Variants in SIX3 observed in about 807,000 individuals in gnomAD.
The protein encoded by SIX3 is SIX homeobox 3.
Under a neutral mutation model 21.7 loss-of-function variants are expected in SIX3, and 2 were observed. The observed-to-expected ratio is 0.09, with a 90% CI of 0.04 to 0.29. SIX3 has a LOEUF of 0.29. Ranked by LOEUF, SIX3 falls within the 10% of genes least tolerant of loss-of-function variation. The pLI, the probability that SIX3 is intolerant of heterozygous loss-of-function variation, is 1.00. For synonymous variants in SIX3, 243 were observed against 220.6 expected (o/e 1.10, Z -0.90); for missense variants, 347 against 480.7 (o/e 0.72, Z 2.60).
At position 44,945,114 on chromosome 2, in the gene SIX3, G is replaced by T; in HGVS notation, c.*354G>T. The T allele has an allele frequency of 3.3e-6, 1 of 306,226 alleles. No homozygotes were observed. The highest frequency in any genetic ancestry group is 6.1e-6 in the Non-Finnish European group (1 of 163,580). The allele number at this position is 306,226 out of a possible 1,614,324, so 19.0% of individuals were successfully genotyped here. ...ATTGTATACTTTCTAGGACAAGCAC[G>T]GCTTCTCCTTTCGGTTCCCATGGAC... On this transcript the variant is annotated 3_prime_UTR_variant, in exon 2 of 2. Coordinates refer to ENST00000260653, the MANE Select transcript of SIX3 (RefSeq NM_005413.4).
In SIX3 at chr2:44,945,333, A is replaced by AAG. The variant is rs1666671356; in HGVS notation, c.*574_*575insGA. 1 of 140,596 alleles carries AAG rather than the reference A, an allele frequency of 7.1e-6. No homozygotes were observed. Among genetic ancestry groups the AAG allele is most frequent in the Non-Finnish European group, 1.5e-5 (1 of 66,370 alleles). 8.7% of individuals were successfully genotyped at this position (140,596 alleles called of 1,614,324 possible). On this transcript the variant is annotated 3_prime_UTR_variant, in exon 2 of 2. Coordinates refer to ENST00000260653, the MANE Select transcript of SIX3 (RefSeq NM_005413.4). ...GTTAAAAAAAAAAAAAAAAAAAAAA[A>AAG]AAAGGACAGGGGGAAAAAAAAAAAA... is the stretch of plus-strand genomic sequence containing the variant.
At chr2:44,943,671 CAG>C (rs1256797464) in intron 1 of SIX3, among the ~76,000 whole-genome samples, 1 of 152,188 alleles carries the variant, frequency 6.6e-6, no homozygotes, top group Non-Finnish European at 1.5e-5. Context: ...GAAAAAGAAC[CAG>C]AGGGAAAGAA....
rs756113841 is a variant in SIX3 at position 44,942,128 on chromosome 2, C to A, written c.24C>A (p.Asp8Glu). Residue 8 changes from aspartate to glutamate, a missense_variant, in exon 1 of 2, where the codon GAC becomes GAA. Coordinates refer to ENST00000260653, the MANE Select transcript of SIX3 (RefSeq NM_005413.4). The surrounding 1 kb of genome is among the most constrained non-coding windows in gnomAD (Gnocchi z 8.4). The part of the protein sequence containing the change: MVFRSPL[D>E]LYSSHFLLPN... ...CCATGGTATTCCGCTCCCCCCTAGA[C>A]CTCTATTCCTCCCACTTCTTGTTGC... 1 of 1,597,026 alleles carries A rather than the reference C, an allele frequency of 6.3e-7. No individual in the cohort carries two copies. The highest frequency in any genetic ancestry group is 1.1e-5 in the South Asian group (1 of 91,024).
intron 1 of SIX3, among the ~76,000 whole-genome samples, 179 bp downstream of exon 1, chr2:44,943,089 G>A (rs1022066971): frequency 2.6e-5 from 4 of 152,022 alleles, no homozygotes; most frequent in Non-Finnish European, 5.9e-5. Context: ...GGCTGTGGGT[G>A]TATTGATTGC....
Position 44,944,823 on chromosome 2 carries a change from TAGC to T in SIX3, c.*64_*66del. ...CCCCCACTCCTTCCCCTCCGCCTCCTAGCCCTCCTCCTCTTCCTCCTCTTCCTT... is the reference window on the plus strand; with the variant it reads ...CCCCCACTCCTTCCCCTCCGCCTCCTCCTCCTCCTCTTCCTCCTCTTCCTT... On this transcript the variant is annotated 3_prime_UTR_variant, in exon 2 of 2. Coordinates refer to ENST00000260653, the MANE Select transcript of SIX3 (RefSeq NM_005413.4). The T allele has an allele frequency of 7.1e-7, 1 of 1,400,662 alleles. No homozygotes were observed. Among genetic ancestry groups the T allele is most frequent in the Non-Finnish European group, 9.7e-7 (1 of 1,032,458 alleles). The allele number at this position is 1,400,662 out of a possible 1,614,324, so 86.8% of individuals were successfully genotyped here. A position where few individuals can be genotyped will look rare whatever the true frequency, so the allele number is the denominator to read the frequency against.
Position 44,944,619 on chromosome 2 carries a change from C to G in SIX3, c.858C>G (p.Pro286=). ...GPSGMRSLAE[P]GCPTHGSAES... The stretch of plus-strand genomic sequence containing the variant: ...GCGGCATGCGCTCGCTGGCCGAGCC[C>G]GGCTGCCCCACGCACGGCTCGGCAG... Residue 286 remains proline, a synonymous_variant, in exon 2 of 2, where the codon CCC becomes CCG. Coordinates refer to ENST00000260653, the MANE Select transcript of SIX3 (RefSeq NM_005413.4). 1 of 1,574,918 alleles carries G rather than the reference C, an allele frequency of 6.3e-7. No homozygotes were observed. Among genetic ancestry groups the G allele is most frequent in the Non-Finnish European group, 8.6e-7 (1 of 1,167,554 alleles).
intron 1 of SIX3, among the ~76,000 whole-genome samples, chr2:44,944,163 T>C (rs1207367207): frequency 6.6e-6 from 1 of 152,270 alleles, no homozygotes; most frequent in African/African-American, 2.4e-5. Flanking sequence ...TCCTGCGCTC[T>C]GCGCTGGCAT....
Position 44,942,453 on chromosome 2 carries a change from G to T in SIX3, c.349G>T (p.Val117Leu). 6.3e-7 allele frequency: 1 copy of T among 1,597,586 alleles called. No homozygotes were observed. Among genetic ancestry groups the T allele is most frequent in the Non-Finnish European group, 8.5e-7 (1 of 1,179,472 alleles). ...RLGRFLWSLP[V>L]APGACEAINK... The stretch of plus-strand genomic sequence containing the variant: ...GGGCCGCTTCCTCTGGTCGCTGCCC[G>T]TGGCCCCCGGGGCGTGCGAGGCCAT... The change falls in exon 1 of 2, where the codon GTG becomes TTG. Residue 117 changes from valine to leucine, a missense_variant. Transcript: ENST00000260653. The surrounding 1 kb of genome is among the most constrained non-coding windows in gnomAD (Gnocchi z 8.4).
rs1209255034 is a variant in SIX3, at chr2:44,941,988, C to T, written c.-117C>T. 2 of 654,756 alleles carry T rather than the reference C, an allele frequency of 3.1e-6. No individual in the cohort carries two copies. Among genetic ancestry groups the T allele is most frequent in the African/African-American group, 3.7e-5 (2 of 53,504 alleles). The allele number at this position is 654,756 out of a possible 1,614,324, so 40.6% of individuals were successfully genotyped here. Reference sequence around the variant, plus strand: ...TCCTCCTCCTGCTCCCCCCTCCTTTCCTTCTCCTCCTCCCCCCTCTCCTCT... The same window carrying T: ...TCCTCCTCCTGCTCCCCCCTCCTTTTCTTCTCCTCCTCCCCCCTCTCCTCT... On this transcript the variant is annotated 5_prime_UTR_variant, in exon 1 of 2. Coordinates refer to ENST00000260653, the MANE Select transcript of SIX3 (RefSeq NM_005413.4).
In SIX3 at chr2:44,944,859, T is replaced by A; in HGVS notation, c.*99T>A. The A allele has an allele frequency of 6.1e-6, 7 of 1,146,646 alleles. No homozygotes were observed. Among genetic ancestry groups the A allele is most frequent in the Non-Finnish European group, 8.7e-6 (7 of 802,810 alleles). 71.0% of individuals were successfully genotyped at this position (1,146,646 alleles called of 1,614,324 possible). A position where few individuals can be genotyped will look rare whatever the true frequency, so the allele number is the denominator to read the frequency against. ...CTCTTCCTCCTCTTCCTTCTCCTCC[T>A]CCATCCCCAGAACAAACCGAAATCA... is the stretch of plus-strand genomic sequence containing the variant. On this transcript the variant is annotated 3_prime_UTR_variant, in exon 2 of 2. Transcript: ENST00000260653.
chr2:44,944,920 C>T lies in SIX3; in HGVS notation c.*160C>T, dbSNP rs189838080. 1 of 665,150 alleles carries T rather than the reference C, an allele frequency of 1.5e-6. No homozygotes were observed. Among genetic ancestry groups the T allele is most frequent in the African/African-American group, 1.8e-5 (1 of 55,062 alleles). The allele number at this position is 665,150 out of a possible 1,614,324, so 41.2% of individuals were successfully genotyped here. A position where few individuals can be genotyped will look rare whatever the true frequency, so the allele number is the denominator to read the frequency against. ...CCATACACACATACAAGTCCACACA[C>T]ACTCCCACCCCAGCCAAAAATATAT... On this transcript the variant is annotated 3_prime_UTR_variant, in exon 2 of 2. Transcript: ENST00000260653.
chr2:44,944,490 G>GA lies in SIX3; in HGVS notation c.807-76dup, dbSNP rs930227030. The GA allele has an allele frequency of 2.5e-5, 36 of 1,457,444 alleles. 1 individual carries two copies. The highest frequency in any genetic ancestry group is 3.0e-5 in the Non-Finnish European group (32 of 1,077,568). The allele number at this position is 1,457,444 out of a possible 1,614,324, so 90.3% of individuals were successfully genotyped here. On this transcript the variant is annotated intron_variant, in intron 1 of 1. Transcript: ENST00000260653. ...AAGACTTGGGATGCTCCCGAAAGCG[G>GA]AATGGGGAGCGGCGGCGCGGGGGAG...
At position 44,945,597 on chromosome 2, in the gene SIX3, A is replaced by G. The variant is rs914697502; in HGVS notation, c.*837A>G. 8 of 152,378 alleles carry G rather than the reference A, an allele frequency of 5.3e-5. No homozygotes were observed. Among genetic ancestry groups the G allele is most frequent in the Admixed American group, 3.3e-4 (5 of 15,308 alleles). The allele number at this position is 152,378 out of a possible 1,614,324, so 9.4% of individuals were successfully genotyped here. A position where few individuals can be genotyped will look rare whatever the true frequency, so the allele number is the denominator to read the frequency against. The stretch of plus-strand genomic sequence containing the variant: ...TACTGGTTATAAATGTGGAAAAAGA[A>G]TAGTTATGACTGTAACAGATTTTTA... On this transcript the variant is annotated 3_prime_UTR_variant, in exon 2 of 2. Transcript: ENST00000260653.
At chr2:44,944,052 T>C (rs2103644578) in intron 1 of SIX3, among the ~76,000 whole-genome samples, 1 of 152,366 alleles carries the variant, frequency 6.6e-6, no homozygotes, top group South Asian at 2.1e-4. Context: ...AGCTGGAGAC[T>C]GCTCTGTGCG....
Position 44,941,739 on chromosome 2 carries a change from G to T in SIX3, c.-366G>T. The T allele has an allele frequency of 3.4e-6, 1 of 294,190 alleles. No homozygotes were observed. The highest frequency in any genetic ancestry group is 6.7e-6 in the Non-Finnish European group (1 of 149,848). The allele number at this position is 294,190 out of a possible 1,614,324, so 18.2% of individuals were successfully genotyped here. A position where few individuals can be genotyped will look rare whatever the true frequency, so the allele number is the denominator to read the frequency against. ...GATTTAGGGGAGATATTATGAGGCT[G>T]TTGTCATTAGGGCGATTGCGGTGGA... is the stretch of plus-strand genomic sequence containing the variant. On this transcript the variant is annotated 5_prime_UTR_variant, in exon 1 of 2. Transcript: ENST00000260653.
chr2:44,943,481 G>A (rs922593772), intron 1 of SIX3, among the ~76,000 whole-genome samples: 1 of 152,198 alleles, frequency 6.6e-6, no homozygotes, highest in Non-Finnish European at 1.5e-5. Context: ...GTGCGTGTGC[G>A]TGTGTGTGTG....
Position 44,942,956 on chromosome 2 carries a change from G to A in SIX3, c.806+46G>A, listed in dbSNP as rs763253160. On this transcript the variant is annotated intron_variant, in intron 1 of 1. Transcript: ENST00000260653. This position sits in a 1 kb window ranked among gnomAD's most constrained non-coding sequence, Gnocchi z 8.4. ...CCTGGCTACAGCCTCAGAGGCCTGG[G>A]AAGGGGAGAGGGGTTGAGATGGGGC... 3.8e-6 allele frequency: 6 copies of A among 1,575,678 alleles called. No homozygotes were observed. In the East Asian group the frequency reaches 9.1e-5, roughly 24 times the overall value.
rs1666683766 is a variant in SIX3, at chr2:44,945,859, G to A, written c.*1099G>A. On this transcript the variant is annotated 3_prime_UTR_variant, in exon 2 of 2. Coordinates refer to ENST00000260653, the MANE Select transcript of SIX3 (RefSeq NM_005413.4). ...GACTTGGCAGTCAAGGAGAGGCATG[G>A]TGGCCTGGGTTAGGAAGAGGGACCC... 1.3e-5 allele frequency: 2 copies of A among 152,234 alleles called. No homozygotes were observed. Among genetic ancestry groups the A allele is most frequent in the African/African-American group, 4.8e-5 (2 of 41,450 alleles). The allele number at this position is 152,234 out of a possible 1,614,324, so 9.4% of individuals were successfully genotyped here.
rs776561069 is a variant in SIX3, at chr2:44,942,942, C to A, written c.806+32C>A. On this transcript the variant is annotated intron_variant, in intron 1 of 1. Transcript: ENST00000260653. The surrounding 1 kb of genome is among the most constrained non-coding windows in gnomAD (Gnocchi z 8.4). ...GGCGGGGCCCGCGGCCTGGCTACAG[C>A]CTCAGAGGCCTGGGAAGGGGAGAGG... 1 of 1,586,382 alleles carries A rather than the reference C, an allele frequency of 6.3e-7. No individual in the cohort carries two copies. The highest frequency in any genetic ancestry group is 1.1e-5 in the South Asian group (1 of 89,670).
Sources: gnomAD v4.1 joint callset for allele counts (sites outside exome capture counted in the v4.1 genomes callset) on GRCh38, gnomAD v4.1.1 for gene constraint, Gnocchi (gnomAD v3.1) non-coding constraint, MANE v1.5 for transcripts, NCBI Gene and HGNC (gene_info 2026-07-23, HGNC 2026-07-21) for gene names.